CXCL14: variants seen among roughly 807,000 people sequenced by gnomAD.
CXCL14 encodes the protein C-X-C motif chemokine 14.
In CXCL14, 9 loss-of-function variants were observed where a neutral mutation model predicts 16.1. The observed-to-expected ratio is 0.56, with a 90% CI of 0.34 to 0.97. CXCL14 has a LOEUF of 0.97. Ranked by LOEUF, CXCL14 falls within the 50% of genes least tolerant of loss-of-function variation. The pLI, the probability that CXCL14 is intolerant of heterozygous loss-of-function variation, is 0.02. For synonymous variants in CXCL14, 55 were observed against 52.8 expected, an observed-to-expected ratio of 1.04 and a Z score of -0.18; for missense variants, 111 against 132.5, an observed-to-expected ratio of 0.84 and a Z score of 0.80.
chr5:135,575,681 C>G (rs1361385451), intron 2 of CXCL14, among the ~76,000 whole-genome samples: 1 of 152,170 alleles, frequency 6.6e-6, no homozygotes, highest in Admixed American at 6.5e-5. Context: ...GCGAGGCAAG[C>G]CTGCTGCTCA....
chr5:135,577,522 CAG>C (rs1457419726), intron 2 of CXCL14, among the ~76,000 whole-genome samples: 3 of 152,170 alleles, frequency 2.0e-5, no homozygotes, highest in Non-Finnish European at 2.9e-5. Flanking sequence ...ACTGCTTTCG[CAG>C]ACACTGTGAA....
In CXCL14 at chr5:135,571,738, A is replaced by G; in HGVS notation, c.*115T>C. ...TTGTGTCTTATGCCTGTGAGAAAGA[A>G]AGGCTTTTTTTTTTTTTTTTTTTTT... On this transcript the variant is annotated 3_prime_UTR_variant, in exon 4 of 4. Coordinates refer to ENST00000512158, the MANE Select transcript of CXCL14 (RefSeq NM_004887.5). 1.2e-6 allele frequency: 1 copy of G among 855,896 alleles called. No individual in the cohort carries two copies. Among genetic ancestry groups the G allele is most frequent in the Non-Finnish European group, 1.7e-6 (1 of 591,232 alleles). The allele number at this position is 855,896 out of a possible 1,614,324, so 53.0% of individuals were successfully genotyped here. A position where few individuals can be genotyped will look rare whatever the true frequency, so the allele number is the denominator to read the frequency against.
rs934928269 is a variant in CXCL14, at chr5:135,578,921, C to G, written c.-143G>C. 1.0e-5 allele frequency: 9 copies of G among 888,300 alleles called. No individual in the cohort carries two copies. Among genetic ancestry groups the G allele is most frequent in the Non-Finnish European group, 1.3e-5 (8 of 623,422 alleles). 55.0% of individuals were successfully genotyped at this position (888,300 alleles called of 1,614,324 possible). A position where few individuals can be genotyped will look rare whatever the true frequency, so the allele number is the denominator to read the frequency against. ...TCCGGCTCTGCTGGCTCCGGCTGCG[C>G]CGTCGGTGGATGCCCAGGGCTGTCT... On this transcript the variant is annotated 5_prime_UTR_variant, in exon 1 of 4. Transcript: ENST00000512158.
chr5:135,571,742 CTTTTTTTTTTTTTTTTTTTTTTT>C lies in CXCL14; in HGVS notation c.*88_*110del, dbSNP rs566365690. On this transcript the variant is annotated 3_prime_UTR_variant, in exon 4 of 4. Transcript: ENST00000512158. ...GTCTTATGCCTGTGAGAAAGAAAGG[CTTTTTTTTTTTTTTTTTTTTTTT>C]TTTTTTTTTTTTTTTTTTTTAATCT... The C allele has an allele frequency of 0.14, 63,102 of 459,062 alleles. 5,115 individuals carry two copies. Among genetic ancestry groups the C allele is most frequent in the Admixed American group, 0.17 (2,664 of 15,518 alleles). 28.4% of individuals were successfully genotyped at this position (459,062 alleles called of 1,614,324 possible). A position where few individuals can be genotyped will look rare whatever the true frequency, so the allele number is the denominator to read the frequency against.
At chr5:135,571,969 T>A in intron 3 of CXCL14, 101 bp from the exon 4 acceptor site, 1 of 1,219,274 alleles carries the variant, frequency 8.2e-7, no homozygotes, top group Non-Finnish European at 1.2e-6. Flanking sequence ...CTGCAGGGAA[T>A]GCCCCTGTCC....
chr5:135,571,742 CTTTTTTTTTTTTTTTTTTTTTTTTTTT>C lies in CXCL14; in HGVS notation c.*84_*110del, dbSNP rs566365690. ...GTCTTATGCCTGTGAGAAAGAAAGG[CTTTTTTTTTTTTTTTTTTTTTTTTTTT>C]TTTTTTTTTTTTTTTTAATCTGCAA... On this transcript the variant is annotated 3_prime_UTR_variant, in exon 4 of 4. Coordinates refer to ENST00000512158, the MANE Select transcript of CXCL14 (RefSeq NM_004887.5). 4.4e-3 allele frequency: 2,036 copies of C among 459,424 alleles called. 7 individuals carry two copies. The highest frequency in any genetic ancestry group is 6.7e-3 in the Middle Eastern group (15 of 2,224). 28.5% of individuals were successfully genotyped at this position (459,424 alleles called of 1,614,324 possible).
chr5:135,575,519 G>T (rs1751085316), intron 2 of CXCL14, among the ~76,000 whole-genome samples: 1 of 152,240 alleles, frequency 6.6e-6, no homozygotes, highest in Non-Finnish European at 1.5e-5. Context: ...ATCTCACAGG[G>T]TTATTGGGAT....
chr5:135,576,031 C>G (rs149780992), intron 2 of CXCL14, among the ~76,000 whole-genome samples: 1 of 152,214 alleles, frequency 6.6e-6, no homozygotes, highest in Non-Finnish European at 1.5e-5. Flanking sequence ...GAAAGAAAAT[C>G]GGATCTTGCC....
At position 135,574,558 on chromosome 5, in the gene CXCL14, G is replaced by A. The variant is rs1032655009; in HGVS notation, c.284+14C>T. On this transcript the variant is annotated intron_variant, in intron 3 of 3. Coordinates refer to ENST00000512158, the MANE Select transcript of CXCL14 (RefSeq NM_004887.5). Reference sequence around the variant, plus strand: ...GGTCTGGTGGGAAGGAAGGTGAGTAGAGGCGGGGCGTACCTGCGCTTCTCG... The same window carrying A: ...GGTCTGGTGGGAAGGAAGGTGAGTAAAGGCGGGGCGTACCTGCGCTTCTCG... 3.1e-6 allele frequency: 5 copies of A among 1,602,650 alleles called. No individual in the cohort carries two copies. The highest frequency in any genetic ancestry group is 2.2e-4 in the Middle Eastern group (1 of 4,616).
At chr5:135,575,110 T>C (rs984088626) in intron 2 of CXCL14, among the ~76,000 whole-genome samples, 3 of 152,182 alleles carry the variant, frequency 2.0e-5, no homozygotes, top group Non-Finnish European at 4.4e-5. Flanking sequence ...CCAAAACCTC[T>C]GTCCTTGGAT....
chr5:135,578,950 G>A lies in CXCL14; in HGVS notation c.-172C>T. 2 of 638,152 alleles carry A rather than the reference G, an allele frequency of 3.1e-6. No homozygotes were observed. The highest frequency in any genetic ancestry group is 6.6e-5 in the East Asian group (2 of 30,490). 39.5% of individuals were successfully genotyped at this position (638,152 alleles called of 1,614,324 possible). A position where few individuals can be genotyped will look rare whatever the true frequency, so the allele number is the denominator to read the frequency against. On this transcript the variant is annotated 5_prime_UTR_variant, in exon 1 of 4. Coordinates refer to ENST00000512158, the MANE Select transcript of CXCL14 (RefSeq NM_004887.5). ...CGGTGGATGCCCAGGGCTGTCTGTG[G>A]CCGTGCGCTGCGCTCTGCGCTTGTC... is the stretch of plus-strand genomic sequence containing the variant.
rs1751034439 is a variant in CXCL14 at position 135,571,787 on chromosome 5, A to ATTTTTTTT, written c.*65_*66insAAAAAAAA. 2 of 350,396 alleles carry ATTTTTTTT rather than the reference A, an allele frequency of 5.7e-6. No individual in the cohort carries two copies. The highest frequency in any genetic ancestry group is 4.9e-6 in the Non-Finnish European group (1 of 203,830). 21.7% of individuals were successfully genotyped at this position (350,396 alleles called of 1,614,324 possible). A position where few individuals can be genotyped will look rare whatever the true frequency, so the allele number is the denominator to read the frequency against. ...TTTTTTTTTTTTTTTTTTTTTTTTA[A>ATTTTTTTT]TCTGCAAAGTCCTTTGCACAAGTCT... On this transcript the variant is annotated 3_prime_UTR_variant, in exon 4 of 4. Transcript: ENST00000512158.
chr5:135,577,491 G>A (rs946531887), intron 2 of CXCL14, among the ~76,000 whole-genome samples: 5 of 152,222 alleles, frequency 3.3e-5, no homozygotes, highest in African/African-American at 9.6e-5. Flanking sequence ...CGGGGATGGG[G>A]GGTGCTGGGT....
At position 135,578,756 on chromosome 5, in the gene CXCL14, A is replaced by T; in HGVS notation, c.23T>A (p.Leu8Gln). 1 of 1,546,598 alleles carries T rather than the reference A, an allele frequency of 6.5e-7. No individual in the cohort carries two copies. Among genetic ancestry groups the T allele is most frequent in the Non-Finnish European group, 8.7e-7 (1 of 1,145,966 alleles). The change falls in exon 1 of 4, where the codon CTG (leucine) becomes CAG (glutamine). Residue 8 changes from leucine to glutamine, a missense_variant. Physicochemically the swap from Leu to Gln is moderately radical, Grantham distance 113. Transcript: ENST00000512158. ...GTACAGCGCCAGCAGCAGCAGGAGC[A>T]GCGCGGCCGCCAGGAGCCTCATGCT... The part of the protein sequence containing the change: MRLLAAA[L>Q]LLLLLALYTA...
Position 135,578,547 on chromosome 5 carries a change from C to A in CXCL14, c.65-8G>T, listed in dbSNP as rs201072568. 6.2e-7 allele frequency: 1 copy of A among 1,613,688 alleles called. No individual in the cohort carries two copies. Among genetic ancestry groups the A allele is most frequent in the Non-Finnish European group, 8.5e-7 (1 of 1,179,712 alleles). On this transcript the variant is annotated splice_polypyrimidine_tract_variant and splice_region_variant and intron_variant, in intron 1 of 3. Transcript: ENST00000512158. ...AGCACTTGCATTTGGACCCTGCGAGCGAGCGCGGGGCAACGGCTTAGTTGC... is the reference window on the plus strand; with the variant it reads ...AGCACTTGCATTTGGACCCTGCGAGAGAGCGCGGGGCAACGGCTTAGTTGC...
chr5:135,573,709 CGTGTGTGTGTGTGT>C (rs3057739), intron 3 of CXCL14, among the ~76,000 whole-genome samples: 4 of 145,422 alleles, frequency 2.8e-5, no homozygotes, highest in Non-Finnish European at 4.5e-5. Context: ...TGCATGCATG[CGTGTGTGTGTGTGT>C]GTGTGTGTGT....
In CXCL14 at chr5:135,578,785, C is replaced by T. The variant is rs890523920; in HGVS notation, c.-7G>A. ...CGGCCGCCAGGAGCCTCATGCTGAC[C>T]GGAGGGGCGCGGCGTGGGAGCAGGG... On this transcript the variant is annotated 5_prime_UTR_variant, in exon 1 of 4. Transcript: ENST00000512158. The T allele has an allele frequency of 5.2e-6, 8 of 1,535,612 alleles. No homozygotes were observed. The African/African-American group carries it at 7.0e-5, about 13-fold the overall frequency.
chr5:135,576,849 A>C (rs1751106721), intron 2 of CXCL14, among the ~76,000 whole-genome samples: 1 of 151,896 alleles, frequency 6.6e-6, no homozygotes, highest in Admixed American at 6.5e-5. Context: ...TGCTTTGCAA[A>C]AGTGCTGGCC....
intron 3 of CXCL14, 30 bp from the exon 4 acceptor site, chr5:135,571,898 C>T: frequency 1.2e-6 from 2 of 1,612,542 alleles, no homozygotes; most frequent in Non-Finnish European, 1.7e-6. Context: ...GTGTAAGTGG[C>T]TCAGGACATG....
Sources: gnomAD v4.1 joint callset for allele counts (sites outside exome capture counted in the v4.1 genomes callset) on GRCh38, gnomAD v4.1.1 for gene constraint, MANE v1.5 for transcripts, NCBI Gene and HGNC (gene_info 2026-07-23, HGNC 2026-07-21) for gene names.